Variants in KRT19 observed in about 807,000 individuals in gnomAD.
KRT19 encodes the protein keratin, type I cytoskeletal 19.
Under a neutral mutation model 34.6 loss-of-function variants are expected in KRT19, and 21 were observed. The ratio of observed to expected loss-of-function variants is 0.61; its 90% CI spans 0.43 to 0.87. KRT19 has a LOEUF of 0.87. Ranked by LOEUF, KRT19 falls within the 40% of genes least tolerant of loss-of-function variation. The probability of loss-of-function intolerance (pLI) is 0.00; values close to 1 mark genes in which losing one functional copy is unlikely to be tolerated. For synonymous variants in KRT19, 240 were observed against 245.8 expected (o/e 0.98, Z 0.22); for missense variants, 514 against 545.7 (o/e 0.94, Z 0.58).
In KRT19 at chr17:41,524,831, C is replaced by T. The variant is rs779441438; in HGVS notation, c.660+12G>A. 20 of 1,613,234 alleles carry T rather than the reference C, an allele frequency of 1.2e-5. No individual in the cohort carries two copies. Among genetic ancestry groups the T allele is most frequent in the Non-Finnish European group, 1.7e-5 (20 of 1,179,914 alleles). ...AGGGAAGGATGGAAGAAAGGCCCAG[C>T]TTCAAACCCACCTCCTCATGGTTCT... On this transcript the variant is annotated intron_variant, in intron 3 of 5. Transcript: ENST00000361566.
Position 41,525,172 on chromosome 17 carries a change from C to A in KRT19, c.503+19G>T. 1 of 1,605,792 alleles carries A rather than the reference C, an allele frequency of 6.2e-7. No homozygotes were observed. The highest frequency in any genetic ancestry group is 8.5e-7 in the Non-Finnish European group (1 of 1,172,584). ...ACCCCAGTCCTGGCTTCTGCAGCCC[C>A]CAGGACAGAGACACTCACTTGGTTC... On this transcript the variant is annotated intron_variant, in intron 2 of 5. Coordinates refer to ENST00000361566, the MANE Select transcript of KRT19 (RefSeq NM_002276.5).
At chr17:41,526,632 C>T (rs188593084) in intron 1 of KRT19, among the ~76,000 whole-genome samples, 5 of 118,664 alleles carry the variant, frequency 4.2e-5, no homozygotes, top group East Asian at 5.9e-4. Context: ...AGTGCAATGG[C>T]GCAATCTCGG....
chr17:41,525,294 T>C (rs1246254119), intron 1 of KRT19, 21 bp from the exon 2 acceptor site: 4 of 1,570,924 alleles, frequency 2.5e-6, no homozygotes, highest in Non-Finnish European at 3.5e-6. Context: ...GAGGCAGAGG[T>C]TGGTACCAGT....
chr17:41,527,840 G>T lies in KRT19; in HGVS notation c.408C>A (p.Asp136Glu). Residue 136 changes from aspartate to glutamate, a missense_variant, in exon 1 of 6, where the codon GAC becomes GAA. By Grantham distance (45) the Asp-to-Glu change is conservative. Transcript: ENST00000361566. ...DYSHYYTTIQ[D>E]LRDKILGATI... Reference sequence around the variant, plus strand: ...GGCCTCCGCCCACCTTGTCCCGCAGGTCCTGGATGGTCGTGTAGTAGTGGC... The same window carrying T: ...GGCCTCCGCCCACCTTGTCCCGCAGTTCCTGGATGGTCGTGTAGTAGTGGC... The T allele has an allele frequency of 6.2e-7, 1 of 1,602,604 alleles. No individual in the cohort carries two copies. Among genetic ancestry groups the T allele is most frequent in the Non-Finnish European group, 8.5e-7 (1 of 1,173,060 alleles).
chr17:41,528,144 C>T lies in KRT19; in HGVS notation c.104G>A (p.Ser35Asn). Residue 35 changes from serine to asparagine, a missense_variant, in exon 1 of 6, where the codon AGC becomes AAC. Coordinates refer to ENST00000361566, the MANE Select transcript of KRT19 (RefSeq NM_002276.5). The part of the protein sequence containing the change: ...FGPGVAFRAP[S>N]IHGGSGGRGV... ...GCGGCCGCCGGAGCCCCCGTGAATGCTGGGCGCGCGAAAGGCGACCCCCGG... is the reference window on the plus strand; with the variant it reads ...GCGGCCGCCGGAGCCCCCGTGAATGTTGGGCGCGCGAAAGGCGACCCCCGG... 1 of 1,601,468 alleles carries T rather than the reference C, an allele frequency of 6.2e-7. No homozygotes were observed.
rs200315408 is a variant in KRT19, at chr17:41,527,879, G to A, written c.369C>T (p.Pro123=). The A allele has an allele frequency of 8.4e-5, 136 of 1,613,122 alleles. No individual in the cohort carries two copies. In the East Asian group the frequency reaches 2.7e-3, roughly 31 times the overall value. ...TGTAGTAGTGGCTGTAGTCGCGGGAGGGCCCAGGCCCCTGCTTCTGGTACC... is the reference window on the plus strand; with the variant it reads ...TGTAGTAGTGGCTGTAGTCGCGGGAAGGCCCAGGCCCCTGCTTCTGGTACC... ...RDWYQKQGPG[P]SRDYSHYYTT... The change falls in exon 1 of 6, where the codon CCC becomes CCT. Residue 123 remains proline, a synonymous_variant. Transcript: ENST00000361566.
chr17:41,524,244 C>T lies in KRT19; in HGVS notation c.847G>A (p.Ala283Thr), dbSNP rs560728414. The T allele has an allele frequency of 3.7e-6, 6 of 1,613,962 alleles. No homozygotes were observed. The Middle Eastern group carries it at 5.0e-4, about 133-fold the overall frequency. Residue 283 changes from alanine to threonine, a missense_variant, in exon 5 of 6, where the codon GCT becomes ACT. Physicochemically the swap from Ala to Thr is moderately conservative, Grantham distance 58. Transcript: ENST00000361566. ...ATCTGGAGCTGCTCCGTGTGGCCAG[C>T]GACCTCCCGGTTCAATTCTTCAGTC... ...SRTEELNREV[A>T]GHTEQLQMSR...
rs199953512 is a variant in KRT19, at chr17:41,528,185, G to A, written c.63C>T (p.Gly21=). The A allele has an allele frequency of 7.8e-4, 1,237 of 1,591,216 alleles. 3 individuals are homozygous for A. Among genetic ancestry groups the A allele is most frequent in the South Asian group, 1.5e-3 (135 of 89,580 alleles). The change falls in exon 1 of 6, where the codon GGC becomes GGT. Residue 21 remains glycine (G), a synonymous_variant. Transcript: ENST00000361566. The part of the protein sequence containing the change: ...ATSSFGGLGG[G]SVRFGPGVAF... ...CGACCCCCGGCCCAAAACGCACGGA[G>A]CCGCCGCCCAGGCCTCCGAAGGACG...
rs1771504647 is a variant in KRT19, at chr17:41,523,944, C to T, written c.1002G>A (p.Gln334=). The change falls in exon 6 of 6, where the codon CAG becomes CAA. Residue 334 remains glutamine, a synonymous_variant. Transcript: ENST00000361566. ...LAETEARFGA[Q]LAHIQALISG... Reference sequence around the variant, plus strand: ...TGATCAGCGCCTGGATATGCGCCAGCTGGGCTCCAAAGCGCGCCTCCGTTT... The same window carrying T: ...TGATCAGCGCCTGGATATGCGCCAGTTGGGCTCCAAAGCGCGCCTCCGTTT... 6.2e-7 allele frequency: 1 copy of T among 1,613,608 alleles called. No individual in the cohort carries two copies. Among genetic ancestry groups the T allele is most frequent in the Admixed American group, 1.7e-5 (1 of 60,008 alleles).
At chr17:41,526,367 T>G (rs1905862963) in intron 1 of KRT19, among the ~76,000 whole-genome samples, 1 of 152,058 alleles carries the variant, frequency 6.6e-6, no homozygotes, top group African/African-American at 2.4e-5. Context: ...CATTTGTGTG[T>G]GTGCATGTGC....
chr17:41,527,699 C>T (rs1293545214), intron 1 of KRT19, 129 bp downstream of exon 1: 14 of 1,005,576 alleles, frequency 1.4e-5, no homozygotes, highest in South Asian at 1.7e-5. Flanking sequence ...TTTACTCGGC[C>T]CCACCTGTGG....
At position 41,523,996 on chromosome 17, in the gene KRT19, T is replaced by C. The variant is rs145232704; in HGVS notation, c.950A>G (p.Lys317Arg). The change falls in exon 6 of 6, where the codon AAA (lysine) becomes AGA (arginine). Residue 317 changes from lysine to arginine, a missense_variant and splice_region_variant. Transcript: ENST00000361566. Reference protein sequence around the residue: ...EIELQSQLSMKAALEDTLAET... With the variant: ...EIELQSQLSMRAALEDTLAET... ...TGCCAGTGTGTCTTCCAAGGCAGCT[T>C]TCTGAGGATAGGGAGAGGGGGTTGT... is the stretch of plus-strand genomic sequence containing the variant. 121 of 1,609,690 alleles carry C rather than the reference T, an allele frequency of 7.5e-5. No homozygotes were observed. In the African/African-American group the frequency reaches 1.5e-3, roughly 20 times the overall value.
intron 5 of KRT19, 61 bp downstream of exon 5, chr17:41,524,082 A>C: frequency 6.2e-7 from 1 of 1,600,778 alleles, no homozygotes; most frequent in Non-Finnish European, 8.5e-7. Flanking sequence ...AGGCTGCCCT[A>C]GGCTGCAAGG....
intron 1 of KRT19, 56 bp downstream of exon 1, chr17:41,527,772 G>T: frequency 6.6e-7 from 1 of 1,509,762 alleles, no homozygotes. Context: ...CCGGCCCGCG[G>T]GGCTGGGTTT....
rs773372080 is a variant in KRT19, at chr17:41,528,277, T to C, written c.-30A>G. 1 of 1,500,060 alleles carries C rather than the reference T, an allele frequency of 6.7e-7. No homozygotes were observed. Among genetic ancestry groups the C allele is most frequent in the Non-Finnish European group, 8.8e-7 (1 of 1,135,284 alleles). 92.9% of individuals were successfully genotyped at this position (1,500,060 alleles called of 1,614,324 possible). ...AGGCGGAGCACGGACGGAGCAACCC[T>C]GGTCTCAGAAGCTGCGATTCGCGGG... On this transcript the variant is annotated 5_prime_UTR_variant, in exon 1 of 6. Transcript: ENST00000361566.
rs770396504 is a variant in KRT19, at chr17:41,523,831, C to T, written c.1115G>A (p.Arg372Gln). Residue 372 changes from arginine to glutamine, a missense_variant, in exon 6 of 6, where the codon CGG becomes CAG. By Grantham distance (43) the Arg-to-Gln change is conservative. Coordinates refer to ENST00000361566, the MANE Select transcript of KRT19 (RefSeq NM_002276.5). ...GTAGGTGGCAATCTCCTGCTCCAGC[C>T]GCGACTTGATGTCCATGAGCCGCTG... ...EYQRLMDIKSRLEQEIATYRS... is the reference protein window; with the variant it reads ...EYQRLMDIKSQLEQEIATYRS... 6.2e-6 allele frequency: 10 copies of T among 1,613,842 alleles called. No individual in the cohort carries two copies. Among genetic ancestry groups the T allele is most frequent in the South Asian group, 4.4e-5 (4 of 91,080 alleles).
At chr17:41,524,816 G>T in intron 3 of KRT19, 27 bp downstream of exon 3, 1 of 1,612,222 alleles carries the variant, frequency 6.2e-7, no homozygotes. Context: ...AGGGAAGGAT[G>T]GAAGAAAGGC....
rs758844070 is a variant in KRT19 at position 41,525,278 on chromosome 17, AAGGCAG to A, written c.421-11_421-6del. 8 of 1,610,350 alleles carry A rather than the reference AAGGCAG, an allele frequency of 5.0e-6. No individual in the cohort carries two copies. The highest frequency in any genetic ancestry group is 3.4e-6 in the Non-Finnish European group (4 of 1,176,522). ...CTCAATGGTGGCACCAAGAATCTGGAAGGCAGAGGCAGAGGTTGGTACCAGTTCAAC... is the reference window on the plus strand; with the variant it reads ...CTCAATGGTGGCACCAAGAATCTGGAAGGCAGAGGTTGGTACCAGTTCAAC... On this transcript the variant is annotated splice_polypyrimidine_tract_variant and splice_region_variant and intron_variant, in intron 1 of 5. Transcript: ENST00000361566.
chr17:41,528,286 A>G lies in KRT19; in HGVS notation c.-39T>C, dbSNP rs1311898805. On this transcript the variant is annotated 5_prime_UTR_variant, in exon 1 of 6. Transcript: ENST00000361566. ...ACGGACGGAGCAACCCTGGTCTCAG[A>G]AGCTGCGATTCGCGGGAGGAGCGGC... 6 of 1,488,486 alleles carry G rather than the reference A, an allele frequency of 4.0e-6. No homozygotes were observed. The African/African-American group carries it at 5.7e-5, about 14-fold the overall frequency. 92.2% of individuals were successfully genotyped at this position (1,488,486 alleles called of 1,614,324 possible).
Sources: gnomAD v4.1 joint callset for allele counts (sites outside exome capture counted in the v4.1 genomes callset) on GRCh38, gnomAD v4.1.1 for gene constraint, MANE v1.5 for transcripts, NCBI Gene and HGNC (gene_info 2026-07-23, HGNC 2026-07-21) for gene names.